Variants in UNC13C observed in about 807,000 individuals in gnomAD.
UNC13C encodes protein unc-13 homolog C.
In UNC13C, 174 loss-of-function variants were observed where a neutral mutation model predicts 245.4. The observed-to-expected ratio is 0.71, with a 90% CI of 0.63 to 0.80. The LOEUF (loss-of-function observed/expected upper bound fraction) is 0.80. Ranked by LOEUF, UNC13C falls within the 30% of genes least tolerant of loss-of-function variation. The pLI, the probability that UNC13C is intolerant of heterozygous loss-of-function variation, is 0.00. For missense variants in UNC13C, 2,829 were observed against 2,602.9 expected (o/e 1.09, Z -1.89); for synonymous variants, 992 against 895.1 (o/e 1.11, Z -1.93).
At chr15:54,456,904 T>A (rs1387058459) in intron 19 of UNC13C, among the ~76,000 whole-genome samples, 1 of 152,138 alleles carries the variant, frequency 6.6e-6, no homozygotes, top group African/African-American at 2.4e-5. Context: ...GACTAGGACT[T>A]CCAGTACTAT....
chr15:54,617,323 T>G (rs936561676), intron 30 of UNC13C, among the ~76,000 whole-genome samples: 1 of 152,050 alleles, frequency 6.6e-6, no homozygotes, highest in Non-Finnish European at 1.5e-5. Context: ...AGGTCAAAAT[T>G]TGCTTTTTCC....
intron 2 of UNC13C, among the ~76,000 whole-genome samples, chr15:54,019,049 T>C (rs1449393988): frequency 6.6e-6 from 1 of 152,206 alleles, no homozygotes; most frequent in Non-Finnish European, 1.5e-5. Flanking sequence ...TCAGAATTAC[T>C]ATATATTAGG....
At chr15:54,428,566 C>G (rs901264434) in intron 19 of UNC13C, among the ~76,000 whole-genome samples, 1 of 151,496 alleles carries the variant, frequency 6.6e-6, no homozygotes, top group African/African-American at 2.4e-5. Context: ...TTGTTTATTG[C>G]CTGTTTCCCA....
intron 7 of UNC13C, among the ~76,000 whole-genome samples, chr15:54,239,107 A>C (rs1301425987): frequency 3.9e-5 from 6 of 152,128 alleles, no homozygotes; most frequent in Non-Finnish European, 2.9e-5. Context: ...TACCTCCCCA[A>C]TTTTAGCAAC....
chr15:53,919,920 T>G, the UNC13C span, among the ~76,000 whole-genome samples: 1 of 152,292 alleles, frequency 6.6e-6, no homozygotes, highest in East Asian at 1.9e-4. Flanking sequence ...AAAATTAAAA[T>G]ATTAATTATC....
chr15:54,327,034 T>C (rs2038315453), intron 14 of UNC13C, among the ~76,000 whole-genome samples: 1 of 152,056 alleles, frequency 6.6e-6, no homozygotes, highest in African/African-American at 2.4e-5. Flanking sequence ...GACAAAGAAC[T>C]TTACTAGATA....
At chr15:53,939,126 C>G in the UNC13C span, among the ~76,000 whole-genome samples, 1 of 151,856 alleles carries the variant, frequency 6.6e-6, no homozygotes, top group African/African-American at 2.4e-5. Context: ...AGAGAAGAAT[C>G]AAACAGATAC....
intron 4 of UNC13C, among the ~76,000 whole-genome samples, chr15:54,182,069 T>C (rs1051039663): frequency 6.6e-5 from 10 of 152,074 alleles, no homozygotes; most frequent in South Asian, 4.1e-4. Flanking sequence ...TCTAGTACTA[T>C]GTTGAATAGG....
chr15:53,837,651 G>A, the UNC13C span: 1 of 152,196 alleles, frequency 6.6e-6, no homozygotes, highest in African/African-American at 2.4e-5. Flanking sequence ...TTAGGAGGCA[G>A]TAGTAGAGGT....
the UNC13C span, among the ~76,000 whole-genome samples, chr15:53,847,198 A>G: frequency 6.6e-6 from 1 of 152,230 alleles, no homozygotes; most frequent in African/African-American, 2.4e-5. Flanking sequence ...ACAAAGTTAA[A>G]GATTTAGCCT....
intron 25 of UNC13C, 126 bp from the exon 26 acceptor site, chr15:54,532,791 A>G: frequency 1.6e-6 from 1 of 632,198 alleles, no homozygotes. Flanking sequence ...TAAACATTGA[A>G]TTCGAAAACT....
chr15:54,299,151 A>G lies in UNC13C; in HGVS notation c.4105-1059A>G, dbSNP rs112068289. Among the ~76,000 whole-genome samples the G allele has an allele frequency of 1.1e-3, 173 of 152,278 alleles. 1 individual carries two copies. Among genetic ancestry groups the G allele is most frequent in the African/African-American group, 4.0e-3 (165 of 41,566 alleles). ...TTCGGGCCTTAAAGTGTGGGCAGAG[A>G]AGATCTGCAGTCAGAGAAACAGCAG... is the stretch of plus-strand genomic sequence containing the variant. On this transcript the variant is annotated intron_variant, in intron 12 of 32. Coordinates refer to ENST00000260323, the MANE Select transcript of UNC13C (RefSeq NM_001080534.3).
chr15:54,552,282 G>T (rs1896771893), intron 28 of UNC13C, among the ~76,000 whole-genome samples: 1 of 128,764 alleles, frequency 7.8e-6, no homozygotes, highest in African/African-American at 2.9e-5. Flanking sequence ...ATAAAATTAT[G>T]TATTATATAT....
chr15:53,864,754 A>G, the UNC13C span, among the ~76,000 whole-genome samples: 1 of 152,288 alleles, frequency 6.6e-6, no homozygotes, highest in Non-Finnish European at 1.5e-5. Flanking sequence ...TAATAAAGTA[A>G]CCCTGATTTA....
At chr15:54,385,644 A>T (rs2039822284) in intron 17 of UNC13C, among the ~76,000 whole-genome samples, 1 of 152,126 alleles carries the variant, frequency 6.6e-6, no homozygotes, top group South Asian at 2.1e-4. Flanking sequence ...GTTTGATAGC[A>T]GACTAGGGTT....
chr15:54,332,218 A>C, intron 15 of UNC13C, 107 bp downstream of exon 15: 1 of 752,970 alleles, frequency 1.3e-6, no homozygotes, highest in Non-Finnish European at 2.1e-6. Flanking sequence ...AAAAATATTG[A>C]TCTCAGGTGC....
intron 12 of UNC13C, among the ~76,000 whole-genome samples, chr15:54,299,787 G>C (rs1245099902): frequency 1.8e-4 from 28 of 152,128 alleles, no homozygotes; most frequent in Admixed American, 1.2e-3. Context: ...ATCTAATTCT[G>C]AGAATGGAAC....
intron 17 of UNC13C, among the ~76,000 whole-genome samples, chr15:54,377,493 C>T (rs1034596550): frequency 6.6e-6 from 1 of 152,200 alleles, no homozygotes; most frequent in African/African-American, 2.4e-5. Context: ...TCCTTTTAAG[C>T]AGTAACTGTA....
intron 2 of UNC13C, among the ~76,000 whole-genome samples, chr15:54,065,592 T>C (rs1373465553): frequency 6.6e-6 from 1 of 152,252 alleles, no homozygotes; most frequent in Non-Finnish European, 1.5e-5. Context: ...ATTAGGAAGC[T>C]GTCTTCCAAG....
Sources: gnomAD v4.1 joint callset for allele counts (sites outside exome capture counted in the v4.1 genomes callset) on GRCh38, gnomAD v4.1.1 for gene constraint, MANE v1.5 for transcripts, NCBI Gene and HGNC (gene_info 2026-07-23, HGNC 2026-07-21) for gene names.